WDR46: variants seen among roughly 807,000 people sequenced by gnomAD.
WDR46 encodes the protein WD repeat-containing protein 46.
WDR46 carries 58 observed loss-of-function variants against 74.7 expected under a neutral mutation model. The observed-to-expected ratio is 0.78, with a 90% CI of 0.63 to 0.97. The LOEUF is 0.97. Ranked by LOEUF, WDR46 falls within the 50% of genes least tolerant of loss-of-function variation. The pLI is 0.00. For missense variants in WDR46, 702 were observed against 790.1 expected (o/e 0.89, Z 1.34); for synonymous variants, 278 against 297.3 (o/e 0.93, Z 0.67).
At position 33,287,038 on chromosome 6, in the gene WDR46, TAGA is replaced by T. The variant is rs1213292456; in HGVS notation, c.1015+50_1015+52del. The T allele has an allele frequency of 3.1e-6, 5 of 1,596,060 alleles. No homozygotes were observed. The African/African-American group carries it at 5.4e-5, about 17-fold the overall frequency. On this transcript the variant is annotated intron_variant, in intron 9 of 14. Coordinates refer to ENST00000374617, the MANE Select transcript of WDR46 (RefSeq NM_005452.6). Reference sequence around the variant, plus strand: ...TTAAGGGACTCATGAAGTACAAATATAGAAGAAAAGCAAGTCAGGATGGTCAGA... The same window carrying T: ...TTAAGGGACTCATGAAGTACAAATATAGAAAAGCAAGTCAGGATGGTCAGA...
rs1766798507 is a variant in WDR46, at chr6:33,287,737, AGGCAGG to A, written c.624-25_624-20del. On this transcript the variant is annotated intron_variant, in intron 6 of 14. Transcript: ENST00000374617. The stretch of plus-strand genomic sequence containing the variant: ...CAGGTGTCTGTTGGAGGTGAGGGGC[AGGCAGG>A]GTGTTAAGGCAGGGGACCACCGACT... 6.2e-7 allele frequency: 1 copy of A among 1,612,878 alleles called. No individual in the cohort carries two copies. The highest frequency in any genetic ancestry group is 1.3e-5 in the African/African-American group (1 of 74,828).
intron 10 of WDR46, among the ~76,000 whole-genome samples, chr6:33,282,547 A>G (rs1187119842): frequency 6.6e-6 from 1 of 152,172 alleles, no homozygotes; most frequent in Non-Finnish European, 1.5e-5. Flanking sequence ...TGAGAAGTCA[A>G]CGCAATCCAA....
intron 10 of WDR46, chr6:33,284,799 C>T (rs920850558): frequency 2.6e-5 from 4 of 152,562 alleles, no homozygotes; most frequent in African/African-American, 9.9e-5. Flanking sequence ...ATTCAAATTC[C>T]AATATCCAAC....
Position 33,282,306 on chromosome 6 carries a change from C to T in WDR46, c.1116-1319G>A, listed in dbSNP as rs116121440. On this transcript the variant is annotated intron_variant, in intron 10 of 14. Transcript: ENST00000374617. ...CAAGAGAGGACCAGCTGGATACTTC[C>T]GACAAGATAATCAGCGCCCTGACTT... 8.9e-3 allele frequency among the ~76,000 whole-genome samples: 1,358 copies of T among 152,190 alleles called. 26 individuals carry two copies. Among genetic ancestry groups the T allele is most frequent in the African/African-American group, 0.03 (1,259 of 41,494 alleles).
rs1766999475 is a variant in WDR46, at chr6:33,288,980, G to A, written c.103C>T (p.Pro35Ser). 1 of 1,613,892 alleles carries A rather than the reference G, an allele frequency of 6.2e-7. No individual in the cohort carries two copies. The highest frequency in any genetic ancestry group is 1.7e-5 in the Admixed American group (1 of 59,976). ...CCTGGAGAGGCTCCGGCTGTGGTCG[G>A]AACGGTCTCTTCCTCCCAGTATCGC... Reference protein sequence around the residue: ...PRRYWEEETVPTTAGASPGPP... With the variant: ...PRRYWEEETVSTTAGASPGPP... The change falls in exon 2 of 15, where the codon CCG (proline) becomes TCG (serine). Residue 35 changes from proline to serine, a missense_variant. Pro to Ser is a moderately conservative substitution (Grantham distance 74). Coordinates refer to ENST00000374617, the MANE Select transcript of WDR46 (RefSeq NM_005452.6).
Position 33,289,095 on chromosome 6 carries a change from C to A in WDR46, c.69+7G>T. 1 of 1,612,824 alleles carries A rather than the reference C, an allele frequency of 6.2e-7. No individual in the cohort carries two copies. Among genetic ancestry groups the A allele is most frequent in the Non-Finnish European group, 8.5e-7 (1 of 1,179,348 alleles). On this transcript the variant is annotated splice_region_variant and intron_variant, in intron 1 of 14. Coordinates refer to ENST00000374617, the MANE Select transcript of WDR46 (RefSeq NM_005452.6). ...AAACTTCGTTTCCCACCCAGGGAGG[C>A]CTCTACCTTTCTCTTGGTCTGAAGT...
intron 10 of WDR46, among the ~76,000 whole-genome samples, chr6:33,283,244 C>T (rs1766339215): frequency 2.0e-5 from 3 of 151,396 alleles, no homozygotes; most frequent in Admixed American, 6.6e-5. Flanking sequence ...AAACAGGGAG[C>T]GGGTGGTGGG....
rs377057221 is a variant in WDR46 at position 33,288,886 on chromosome 6, T to G, written c.197A>C (p.Lys66Thr). 2.5e-6 allele frequency: 4 copies of G among 1,614,000 alleles called. No individual in the cohort carries two copies. The highest frequency in any genetic ancestry group is 3.4e-6 in the Non-Finnish European group (4 of 1,180,010). The change falls in exon 2 of 15, where the codon AAG becomes ACG. Residue 66 changes from lysine to threonine, a missense_variant. Coordinates refer to ENST00000374617, the MANE Select transcript of WDR46 (RefSeq NM_005452.6). ...CTGAGGCTTCTTAGAGATCCGAGAC[T>G]TCTTTAAGATGTAAGCATTTTTTGG... ...QRPKNAYILKKSRISKKPQVP... is the reference protein window; with the variant it reads ...QRPKNAYILKTSRISKKPQVP...
intron 6 of WDR46, 104 bp from the exon 7 acceptor site, chr6:33,287,822 A>G: frequency 6.6e-7 from 1 of 1,521,078 alleles, no homozygotes; most frequent in Non-Finnish European, 9.1e-7. Context: ...GCGGGCAGAC[A>G]CATGTTGCTG....
intron 8 of WDR46, 56 bp downstream of exon 8, chr6:33,287,299 G>A (rs753088654): frequency 6.2e-7 from 1 of 1,612,134 alleles, no homozygotes; most frequent in South Asian, 1.1e-5. Context: ...GGTCCTAAAG[G>A]AGAGGTGGTC....
chr6:33,287,016 AG>A (rs1479706438), intron 9 of WDR46, 74 bp downstream of exon 9: 1 of 1,589,752 alleles, frequency 6.3e-7, no homozygotes, highest in Non-Finnish European at 8.6e-7. Context: ...GGTAACTTTA[AG>A]GGACTCATGA....
In WDR46 at chr6:33,286,901, G is replaced by C; in HGVS notation, c.1016-7C>G. On this transcript the variant is annotated splice_polypyrimidine_tract_variant and splice_region_variant and intron_variant, in intron 9 of 14. Coordinates refer to ENST00000374617, the MANE Select transcript of WDR46 (RefSeq NM_005452.6). ...CTCCATAAAGACACAGTACCTGGAA[G>C]AGAAGAAGAACCAAAGTTGCTAATA... 6.2e-7 allele frequency: 1 copy of C among 1,613,984 alleles called. No homozygotes were observed. Among genetic ancestry groups the C allele is most frequent in the Non-Finnish European group, 8.5e-7 (1 of 1,179,946 alleles).
intron 1 of WDR46, 25 bp from the exon 2 acceptor site, chr6:33,289,038 A>ACTCACGC (rs747026399): frequency 6.2e-7 from 1 of 1,611,598 alleles, no homozygotes; most frequent in East Asian, 2.2e-5. Flanking sequence ...GGAACTCCGC[A>ACTCACGC]CTCACGCCCC....
rs762924734 is a variant in WDR46 at position 33,279,548 on chromosome 6, G to C, written c.1683C>G (p.Ser561=). ...TCTTCCTCTTCACCAGGCTTGCCGT[G>C]GAGCTGCGGCCCTTCTGCTTTGGCT... is the stretch of plus-strand genomic sequence containing the variant. ...QPKPKQKGRS[S]TASLVKRKRK... is the part of the protein sequence containing the mutation. The change falls in exon 14 of 15, where the codon TCC becomes TCG. Residue 561 remains serine, a synonymous_variant. Transcript: ENST00000374617. 14 of 1,614,018 alleles carry C rather than the reference G, an allele frequency of 8.7e-6. No homozygotes were observed. Among genetic ancestry groups the C allele is most frequent in the Non-Finnish European group, 1.2e-5 (14 of 1,180,052 alleles).
rs777264231 is a variant in WDR46, at chr6:33,288,479, T to C, written c.361-9A>G. The C allele has an allele frequency of 2.3e-5, 37 of 1,613,840 alleles. No individual in the cohort carries two copies. The highest frequency in any genetic ancestry group is 4.5e-5 in the East Asian group (2 of 44,882). ...GCTTTAGAATGTGGTAGCTGTAACA[T>C]TGTTGGTGGGGAGGAGTGGCAGAAG... On this transcript the variant is annotated splice_polypyrimidine_tract_variant and intron_variant, in intron 3 of 14. Transcript: ENST00000374617.
chr6:33,281,943 C>G (rs139286353), intron 10 of WDR46, among the ~76,000 whole-genome samples: 1 of 152,226 alleles, frequency 6.6e-6, no homozygotes, highest in Non-Finnish European at 1.5e-5. Flanking sequence ...AAGTGATTCT[C>G]GTGCCTCAGC....
In WDR46 at chr6:33,280,664, G is replaced by A; in HGVS notation, c.1429+10C>T. 4 of 1,582,812 alleles carry A rather than the reference G, an allele frequency of 2.5e-6. No homozygotes were observed. The highest frequency in any genetic ancestry group is 3.4e-6 in the Non-Finnish European group (4 of 1,161,304). On this transcript the variant is annotated intron_variant, in intron 11 of 14. Transcript: ENST00000374617. ...CATTCACTTCAAGCCCCATCCCCTG[G>A]CCCACTCACCAGGGACCAGCATGCT...
At position 33,288,426 on chromosome 6, in the gene WDR46, A is replaced by T. The variant is rs1283110918; in HGVS notation, c.405T>A (p.Ala135=). 2 of 1,614,178 alleles carry T rather than the reference A, an allele frequency of 1.2e-6. No individual in the cohort carries two copies. Among genetic ancestry groups the T allele is most frequent in the Non-Finnish European group, 1.7e-6 (2 of 1,180,044 alleles). Reference sequence around the variant, plus strand: ...TACTTGTTTCCTCTTCCTCAGCTTCAGCCACCTCAAGTCGGCTTCGAGTTT... The same window carrying T: ...TACTTGTTTCCTCTTCCTCAGCTTCTGCCACCTCAAGTCGGCTTCGAGTTT... The part of the protein sequence containing the change: ...KAKTRSRLEV[A]EAEEEETSIK... Residue 135 remains alanine, a synonymous_variant, in exon 4 of 15, where the codon GCT becomes GCA. Coordinates refer to ENST00000374617, the MANE Select transcript of WDR46 (RefSeq NM_005452.6).
Position 33,280,489 on chromosome 6 carries a change from C to T in WDR46, c.1463G>A (p.Ser488Asn). The T allele has an allele frequency of 6.2e-7, 1 of 1,601,608 alleles. No individual in the cohort carries two copies. Among genetic ancestry groups the T allele is most frequent in the Non-Finnish European group, 8.5e-7 (1 of 1,173,284 alleles). The change falls in exon 12 of 15, where the codon AGT becomes AAT. Residue 488 changes from serine (S) to asparagine (N), a missense_variant. Coordinates refer to ENST00000374617, the MANE Select transcript of WDR46 (RefSeq NM_005452.6). ...AGEPNFDGLE[S>N]NPYRSRKQRQ... ...CTGCTTCCGGCTTCTGTATGGATTA[C>T]TCTCCAGGCCATCGAAGTTGGGCTC...
Sources: gnomAD v4.1 joint callset for allele counts (sites outside exome capture counted in the v4.1 genomes callset) on GRCh38, gnomAD v4.1.1 for gene constraint, MANE v1.5 for transcripts, NCBI Gene and HGNC (gene_info 2026-07-23, HGNC 2026-07-21) for gene names.